Variants in CBL observed in about 807,000 individuals in gnomAD.
CBL encodes Cbl proto-oncogene.
CBL carries 45 observed loss-of-function variants against 96.9 expected under a neutral mutation model. The ratio of observed to expected loss-of-function variants is 0.46; its 90% CI spans 0.37 to 0.60. The LOEUF (loss-of-function observed/expected upper bound fraction) is 0.60. Among genes scored for constraint, CBL ranks in the 20% least tolerant of loss-of-function variants. The pLI is 0.00. For missense variants in CBL, 1,024 were observed against 1,143.5 expected (o/e 0.90, Z 1.51); for synonymous variants, 420 against 426.8 (o/e 0.98, Z 0.20).
chr11:119,232,336 T>C, intron 1 of CBL, 112 bp from the exon 2 acceptor site: 1 of 1,161,912 alleles, frequency 8.6e-7, no homozygotes, highest in Non-Finnish European at 1.3e-6. Context: ...TATTCTCATG[T>C]ATTTTTCATA....
intron 14 of CBL, among the ~76,000 whole-genome samples, chr11:119,297,953 T>C (rs1950075073): frequency 6.6e-6 from 1 of 152,166 alleles, no homozygotes; most frequent in Non-Finnish European, 1.5e-5. Context: ...AATTCTTTTA[T>C]GTGGGGGTGG....
chr11:119,249,569 G>A (rs562548312), intron 2 of CBL, among the ~76,000 whole-genome samples: 1 of 139,946 alleles, frequency 7.1e-6, no homozygotes, highest in African/African-American at 2.8e-5. Context: ...AAAAAAAAAT[G>A]CTGTGGGCAC....
chr11:119,277,239 GCGCACACACACACA>G (rs1287945044), intron 6 of CBL, among the ~76,000 whole-genome samples: 3 of 138,258 alleles, frequency 2.2e-5, no homozygotes, highest in Non-Finnish European at 4.6e-5. Context: ...AGAATCTGTC[GCGCACACACACACA>G]CACACACACA....
Position 119,285,328 on chromosome 11 carries a change from C to A in CBL, c.1703C>A (p.Thr568Lys). ...SRPQRRPLPC[T>K]PGDCPSRDKL... ...CCTCAAAGACGCCCCTTGCCTTGTA[C>A]ACCAGGCGACTGTCCCTCCAGAGAC... is the stretch of plus-strand genomic sequence containing the variant. The change falls in exon 11 of 16, where the codon ACA becomes AAA. Residue 568 changes from threonine (T) to lysine (K), a missense_variant. Physicochemically the swap from Thr to Lys is moderately conservative, Grantham distance 78. Coordinates refer to ENST00000264033, the MANE Select transcript of CBL (RefSeq NM_005188.4). 2 of 1,614,188 alleles carry A rather than the reference C, an allele frequency of 1.2e-6. No homozygotes were observed. Among genetic ancestry groups the A allele is most frequent in the Non-Finnish European group, 1.7e-6 (2 of 1,180,020 alleles).
intron 1 of CBL, among the ~76,000 whole-genome samples, chr11:119,214,856 A>G (rs1224953778): frequency 8.2e-6 from 1 of 122,682 alleles, no homozygotes; most frequent in Admixed American, 8.5e-5. Flanking sequence ...ACAGTCCCTC[A>G]TTTTCTGTCT....
chr11:119,207,464 C>T (rs1949280387), intron 1 of CBL, among the ~76,000 whole-genome samples: 1 of 152,208 alleles, frequency 6.6e-6, no homozygotes. Flanking sequence ...ATTACAGGTC[C>T]TGACTTTAAA....
chr11:119,215,724 G>C (rs567454439), intron 1 of CBL, among the ~76,000 whole-genome samples: 16 of 152,098 alleles, frequency 1.1e-4, no homozygotes, highest in Admixed American at 2.0e-4. Flanking sequence ...CTACTCGGGA[G>C]GCTGAGGCAC....
At chr11:119,256,871 G>A (rs1353880455) in intron 2 of CBL, among the ~76,000 whole-genome samples, 6 of 151,972 alleles carry the variant, frequency 3.9e-5, no homozygotes, top group East Asian at 3.9e-4. Context: ...CTCCAGCTCC[G>A]TCCAAGTTGC....
rs750907780 is a variant in CBL, at chr11:119,274,903, G to A, written c.819G>A (p.Thr273=). Residue 273 remains threonine (T), a synonymous_variant, in exon 5 of 16, where the codon ACG becomes ACA. Coordinates refer to ENST00000264033, the MANE Select transcript of CBL (RefSeq NM_005188.4). The part of the protein sequence containing the change: ...VTHPGYMAFL[T]YDEVKARLQK... The stretch of plus-strand genomic sequence containing the variant: ...ATCCTGGCTACATGGCTTTTTTGAC[G>A]TATGACGAAGTGAAAGCTCGGCTCC... The A allele has an allele frequency of 5.9e-5, 96 of 1,613,984 alleles. No homozygotes were observed. The highest frequency in any genetic ancestry group is 7.8e-5 in the Non-Finnish European group (92 of 1,179,926).
At chr11:119,276,202 T>C (rs1189294206) in intron 6 of CBL, 68 bp downstream of exon 6, 1 of 1,478,918 alleles carries the variant, frequency 6.8e-7, no homozygotes, top group African/African-American at 1.4e-5. Flanking sequence ...TCATCATTAA[T>C]GACTTTATTC....
At chr11:119,215,721 G>T (rs558528216) in intron 1 of CBL, among the ~76,000 whole-genome samples, 1 of 152,090 alleles carries the variant, frequency 6.6e-6, no homozygotes, top group South Asian at 2.1e-4. Context: ...CAGCTACTCG[G>T]GAGGCTGAGG....
intron 1 of CBL, among the ~76,000 whole-genome samples, chr11:119,206,981 C>A (rs771429719): frequency 2.0e-5 from 3 of 151,648 alleles, no homozygotes; most frequent in Non-Finnish European, 4.4e-5. Flanking sequence ...CGGAATTGGC[C>A]TGGGAGGTTA....
chr11:119,282,993 G>T (rs1276585010), intron 9 of CBL, among the ~76,000 whole-genome samples: 1 of 152,062 alleles, frequency 6.6e-6, no homozygotes, highest in Non-Finnish European at 1.5e-5. Flanking sequence ...TACTTGAGAG[G>T]CTGAGGCAGG....
Position 119,305,109 on chromosome 11 carries a change from A to G in CBL, c.*5328A>G, listed in dbSNP as rs1270331276. ...ACCCTAAAAAGGCTTCTACTCAAGA[A>G]GTAAAGCCACTACTCCTGCCTTTTT... On this transcript the variant is annotated 3_prime_UTR_variant, in exon 16 of 16. Transcript: ENST00000264033. 4.5e-6 allele frequency: 1 copy of G among 221,648 alleles called. No individual in the cohort carries two copies. Among genetic ancestry groups the G allele is most frequent in the Non-Finnish European group, 9.0e-6 (1 of 110,738 alleles). 13.7% of individuals were successfully genotyped at this position (221,648 alleles called of 1,614,324 possible).
At chr11:119,284,922 C>G in intron 9 of CBL, 47 bp from the exon 10 acceptor site, 1 of 1,610,886 alleles carries the variant, frequency 6.2e-7, no homozygotes, top group Non-Finnish European at 8.5e-7. Flanking sequence ...TGAAAGATGC[C>G]ATTTCCCCAA....
At chr11:119,288,412 G>A (rs1020187991) in intron 12 of CBL, among the ~76,000 whole-genome samples, 3 of 152,080 alleles carry the variant, frequency 2.0e-5, no homozygotes, top group Non-Finnish European at 4.4e-5. Flanking sequence ...GTGGCTTTCC[G>A]GTGAGGGCTC....
At chr11:119,289,630 A>G (rs1196172219) in intron 12 of CBL, 1 of 151,676 alleles carries the variant, frequency 6.6e-6, no homozygotes, top group Non-Finnish European at 1.5e-5. Context: ...CATGGTAATC[A>G]TCTCTGTATC....
chr11:119,259,196 GT>G (rs938438888), intron 2 of CBL, among the ~76,000 whole-genome samples: 1 of 151,728 alleles, frequency 6.6e-6, no homozygotes, highest in East Asian at 1.9e-4. Context: ...AGTCTTCGGG[GT>G]TTTTTTTAGG....
chr11:119,283,296 C>T (rs567085046), intron 9 of CBL, among the ~76,000 whole-genome samples: 4 of 152,290 alleles, frequency 2.6e-5, no homozygotes, highest in South Asian at 2.1e-4. Flanking sequence ...ATTGGGAACC[C>T]GTTATCTTAA....
Sources: gnomAD v4.1 joint callset for allele counts (sites outside exome capture counted in the v4.1 genomes callset) on GRCh38, gnomAD v4.1.1 for gene constraint, MANE v1.5 for transcripts, NCBI Gene and HGNC (gene_info 2026-07-23, HGNC 2026-07-21) for gene names.